Variants in TNPO1 observed in about 807,000 individuals in gnomAD.
TNPO1 encodes transportin 1.
TNPO1 carries 8 observed loss-of-function variants against 119.5 expected under a neutral mutation model. The ratio of observed to expected loss-of-function variants is 0.07; its 90% CI spans 0.04 to 0.12. TNPO1 has a LOEUF of 0.12. Among genes scored for constraint, TNPO1 ranks in the 10% least tolerant of loss-of-function variants. The pLI, the probability that TNPO1 is intolerant of heterozygous loss-of-function variation, is 1.00. For missense variants in TNPO1, 576 were observed against 1,089.8 expected (o/e 0.53, Z 6.64); for synonymous variants, 362 against 363.0 (o/e 1.00, Z 0.03).
intron 11 of TNPO1, among the ~76,000 whole-genome samples, chr5:72,884,282 G>C (rs1748463215): frequency 6.6e-6 from 1 of 151,864 alleles, no homozygotes; most frequent in Non-Finnish European, 1.5e-5. Context: ...GGTATTTTGT[G>C]GTTTTGGTTT....
chr5:72,906,302 T>C (rs1750160462), intron 24 of TNPO1, among the ~76,000 whole-genome samples: 2 of 127,032 alleles, frequency 1.6e-5, no homozygotes, highest in African/African-American at 6.3e-5. Context: ...TTTTTTTTTT[T>C]TTTTTTTTTT....
At chr5:72,854,023 A>G (rs1745796774) in intron 3 of TNPO1, among the ~76,000 whole-genome samples, 1 of 152,222 alleles carries the variant, frequency 6.6e-6, no homozygotes, top group Admixed American at 6.5e-5. Flanking sequence ...GTTTATTAAA[A>G]TTCTTCATCT....
chr5:72,879,018 G>C (rs1748034618), intron 9 of TNPO1: 1 of 410,994 alleles, frequency 2.4e-6, no homozygotes, highest in Non-Finnish European at 4.9e-6. Context: ...GAGTCTCTGT[G>C]TTGTTCTTTG....
chr5:72,898,577 C>G (rs945538300), intron 20 of TNPO1, among the ~76,000 whole-genome samples: 1 of 152,050 alleles, frequency 6.6e-6, no homozygotes, highest in Non-Finnish European at 1.5e-5. Flanking sequence ...TTGTCAATGG[C>G]TAATATCTAG....
intron 9 of TNPO1, among the ~76,000 whole-genome samples, chr5:72,881,713 T>C (rs1748260419): frequency 6.6e-6 from 1 of 152,228 alleles, no homozygotes; most frequent in Non-Finnish European, 1.5e-5. Flanking sequence ...AGAAAGCAGG[T>C]GACCCTTTAT....
chr5:72,846,686 C>T (rs1745144569), intron 1 of TNPO1, among the ~76,000 whole-genome samples: 1 of 152,094 alleles, frequency 6.6e-6, no homozygotes, highest in Non-Finnish European at 1.5e-5. Context: ...TGGGATTGGA[C>T]ACAAAAGAAA....
Position 72,905,428 on chromosome 5 carries a change from G to T in TNPO1, c.*18G>T. 1.3e-6 allele frequency: 2 copies of T among 1,548,688 alleles called. No homozygotes were observed. The highest frequency in any genetic ancestry group is 1.8e-6 in the Non-Finnish European group (2 of 1,140,116). Reference sequence around the variant, plus strand: ...GTGTTTAATCTAATACACTTAAGCTGCAGTCCCAAAATTAGGGGTAAGTTA... The same window carrying T: ...GTGTTTAATCTAATACACTTAAGCTTCAGTCCCAAAATTAGGGGTAAGTTA... On this transcript the variant is annotated 3_prime_UTR_variant, in exon 24 of 25. Coordinates refer to ENST00000337273, the MANE Select transcript of TNPO1 (RefSeq NM_002270.4).
At chr5:72,851,446 A>T (rs995429461) in intron 3 of TNPO1, 127 bp downstream of exon 3, 15 of 603,706 alleles carry the variant, frequency 2.5e-5, no homozygotes, top group South Asian at 8.1e-5. Flanking sequence ...TGGGATAAAC[A>T]GTCTTAGTTA....
At position 72,883,731 on chromosome 5, in the gene TNPO1, TTTTG is replaced by T. The variant is rs565641575; in HGVS notation, c.1150+515_1150+518del. ...TGTATAATTTTTGTGTGTAGACTTT[TTTTG>T]TTTGTTTGTTTGTTTTTTTGTTTTG... On this transcript the variant is annotated intron_variant, in intron 11 of 24. Coordinates refer to ENST00000337273, the MANE Select transcript of TNPO1 (RefSeq NM_002270.4). 8.3e-4 allele frequency among the ~76,000 whole-genome samples: 127 copies of T among 152,170 alleles called. 2 individuals carry two copies. The highest frequency in any genetic ancestry group is 7.4e-3 in the East Asian group (38 of 5,164).
chr5:72,856,044 C>T, intron 4 of TNPO1, 121 bp downstream of exon 4: 1 of 1,012,204 alleles, frequency 9.9e-7, no homozygotes, highest in East Asian at 2.5e-5. Context: ...GGGAAACTTT[C>T]ATTGCCTTTA....
intron 11 of TNPO1, among the ~76,000 whole-genome samples, chr5:72,885,819 T>C (rs560691876): frequency 6.6e-5 from 10 of 151,636 alleles, no homozygotes; most frequent in Non-Finnish European, 1.0e-4. Context: ...CTAGTTCACG[T>C]TGGAAATTTC....
intron 12 of TNPO1, 88 bp downstream of exon 12, chr5:72,887,310 A>G (rs963643516): frequency 6.7e-6 from 9 of 1,345,370 alleles, no homozygotes; most frequent in Admixed American, 2.3e-5. Context: ...AGGAATTTCT[A>G]TTTTGAACCA....
At chr5:72,876,474 A>G (rs967473880) in intron 8 of TNPO1, among the ~76,000 whole-genome samples, 1 of 152,212 alleles carries the variant, frequency 6.6e-6, no homozygotes, top group African/African-American at 2.4e-5. Context: ...TCGCACTAAG[A>G]GATGTCACTA....
chr5:72,857,412 T>C (rs1219453702), intron 4 of TNPO1, among the ~76,000 whole-genome samples: 3 of 152,228 alleles, frequency 2.0e-5, no homozygotes, highest in African/African-American at 7.2e-5. Context: ...CCTGCAGATA[T>C]TCTTGTATTA....
intron 2 of TNPO1, among the ~76,000 whole-genome samples, chr5:72,850,983 A>T (rs747674850): frequency 6.6e-6 from 1 of 152,234 alleles, no homozygotes; most frequent in African/African-American, 2.4e-5. Context: ...TATATTGAGC[A>T]TGCTGAAGCT....
intron 18 of TNPO1, among the ~76,000 whole-genome samples, chr5:72,895,643 T>TA (rs1445752247): frequency 6.6e-6 from 1 of 152,220 alleles, no homozygotes; most frequent in African/African-American, 2.4e-5. Context: ...ATTAGGAGTT[T>TA]AAAAAATTAT....
At chr5:72,903,687 A>G in intron 22 of TNPO1, 22 bp from the exon 23 acceptor site, 1 of 1,540,136 alleles carries the variant, frequency 6.5e-7, no homozygotes, top group Admixed American at 1.7e-5. Context: ...TCAACCTAAG[A>G]TGTATTTCTT....
intron 4 of TNPO1, among the ~76,000 whole-genome samples, chr5:72,859,062 T>C (rs1300935364): frequency 2.6e-5 from 4 of 152,058 alleles, no homozygotes; most frequent in African/African-American, 9.7e-5. Flanking sequence ...TTTTTGGAGT[T>C]TCTGAAAATC....
At position 72,875,689 on chromosome 5, in the gene TNPO1, C is replaced by T. The variant is rs1028474279; in HGVS notation, c.753C>T (p.Leu251=). ...TGTGCCGAGCACTTGTGATGTTGCT[C>T]GAAGTTCGAATGGATCGCCTGCTTC... ...KNVCRALVML[L]EVRMDRLLPH... is the part of the protein sequence containing the mutation. Residue 251 remains leucine, a synonymous_variant, in exon 8 of 25, where the codon CTC becomes CTT. Transcript: ENST00000337273. The T allele has an allele frequency of 3.7e-6, 6 of 1,613,186 alleles. No homozygotes were observed. Among genetic ancestry groups the T allele is most frequent in the Non-Finnish European group, 5.1e-6 (6 of 1,179,422 alleles).
Sources: gnomAD v4.1 joint callset for allele counts (sites outside exome capture counted in the v4.1 genomes callset) on GRCh38, gnomAD v4.1.1 for gene constraint, MANE v1.5 for transcripts, NCBI Gene and HGNC (gene_info 2026-07-23, HGNC 2026-07-21) for gene names.